ARHGAP32: variants seen among roughly 807,000 people sequenced by gnomAD.
ARHGAP32 encodes rho GTPase-activating protein 32.
Under a neutral mutation model 186.5 loss-of-function variants are expected in ARHGAP32, and 51 were observed. The observed-to-expected ratio is 0.27, with a 90% CI of 0.22 to 0.35. The LOEUF (loss-of-function observed/expected upper bound fraction) is 0.35. ARHGAP32 is among the 10% of genes least tolerant of loss of function. The pLI, the probability that ARHGAP32 is intolerant of heterozygous loss-of-function variation, is 1.00. For missense variants in ARHGAP32, 2,186 were observed against 2,623.5 expected (o/e 0.83, Z 3.64); for synonymous variants, 950 against 964.3 (o/e 0.99, Z 0.27).
In ARHGAP32 at chr11:128,974,862, C is replaced by T; in HGVS notation, c.2335G>A (p.Gly779Arg). ...PHDNESEEEG[G>R]LLHIPALMSP... ...ATAAGGGCTGGGATATGAAGCAGCC[C>T]TCCTTCCTCCTCACTCTCATTGTCA... The change falls in exon 21 of 23, where the codon GGG (glycine) becomes AGG (arginine). Residue 779 changes from glycine to arginine, a missense_variant. Gly to Arg is a moderately radical substitution (Grantham distance 125). This residue lies in a region of ARHGAP32 where 263 missense variants were observed against 323.5 expected (regional missense o/e 0.81). Transcript: ENST00000682385. 1 of 1,614,122 alleles carries T rather than the reference C, an allele frequency of 6.2e-7. No individual in the cohort carries two copies. The highest frequency in any genetic ancestry group is 8.5e-7 in the Non-Finnish European group (1 of 1,180,010).
At chr11:129,051,218 A>T (rs1940027920) in intron 10 of ARHGAP32, among the ~76,000 whole-genome samples, 1 of 152,204 alleles carries the variant, frequency 6.6e-6, no homozygotes, top group African/African-American at 2.4e-5. Context: ...GAACTGCCAC[A>T]CTGTCTTCCA....
chr11:129,157,986 G>A (rs1943449192), intron 2 of ARHGAP32, among the ~76,000 whole-genome samples: 1 of 152,048 alleles, frequency 6.6e-6, no homozygotes. Flanking sequence ...AGCTTCATAA[G>A]CAAAGGAGAA....
At chr11:129,204,366 CT>C in intron 1 of ARHGAP32, among the ~76,000 whole-genome samples, 1 of 152,078 alleles carries the variant, frequency 6.6e-6, no homozygotes, top group South Asian at 2.1e-4. Context: ...AGTGACAAGT[CT>C]GGGGAGAGGT....
chr11:129,169,586 C>T (rs1320976676), intron 1 of ARHGAP32, among the ~76,000 whole-genome samples: 3 of 140,326 alleles, frequency 2.1e-5, no homozygotes, highest in Non-Finnish European at 3.0e-5. Flanking sequence ...GAGCTGAGAT[C>T]GCACCACTGC....
chr11:129,060,412 GA>G (rs1310696825), intron 10 of ARHGAP32, among the ~76,000 whole-genome samples: 6 of 116,988 alleles, frequency 5.1e-5, no homozygotes, highest in South Asian at 4.9e-4. Flanking sequence ...ACAGACAGAA[GA>G]AAGTTAGTAG....
At chr11:129,166,115 A>C (rs2135492110) in intron 1 of ARHGAP32, among the ~76,000 whole-genome samples, 1 of 152,268 alleles carries the variant, frequency 6.6e-6, no homozygotes, top group South Asian at 2.1e-4. Flanking sequence ...AACCAGATAC[A>C]TTTAGTAGAA....
intron 11 of ARHGAP32, among the ~76,000 whole-genome samples, chr11:129,001,801 G>C (rs1291591449): frequency 6.6e-6 from 1 of 152,138 alleles, no homozygotes; most frequent in Non-Finnish European, 1.5e-5. Context: ...GTGAGAAAGA[G>C]GGGTCTAGTT....
At chr11:129,157,185 C>A (rs1240200677) in intron 2 of ARHGAP32, among the ~76,000 whole-genome samples, 5 of 152,132 alleles carry the variant, frequency 3.3e-5, no homozygotes, top group Non-Finnish European at 7.3e-5. Flanking sequence ...CAAGGGATCA[C>A]AACTCCTTGC....
chr11:129,186,872 G>A (rs754190993), intron 1 of ARHGAP32, among the ~76,000 whole-genome samples: 9 of 152,100 alleles, frequency 5.9e-5, no homozygotes, highest in Admixed American at 3.3e-4. Flanking sequence ...AACAAATGCC[G>A]GCAACAATGT....
intron 11 of ARHGAP32, among the ~76,000 whole-genome samples, chr11:129,013,609 T>C (rs1285124503): frequency 6.6e-6 from 1 of 152,222 alleles, no homozygotes; most frequent in Non-Finnish European, 1.5e-5. Context: ...TCAAGATAGA[T>C]TAATTTCCCT....
chr11:129,062,437 C>T, intron 9 of ARHGAP32, 80 bp from the exon 10 acceptor site: 3 of 1,234,060 alleles, frequency 2.4e-6, no homozygotes, highest in Admixed American at 1.8e-5. Flanking sequence ...TAAATCCGAA[C>T]TGTATGAAAA....
intron 1 of ARHGAP32, among the ~76,000 whole-genome samples, chr11:129,185,650 A>C (rs1057378989): frequency 6.6e-6 from 1 of 152,164 alleles, no homozygotes; most frequent in African/African-American, 2.4e-5. Flanking sequence ...AAAAGCAAAA[A>C]ACATTAAACT....
chr11:129,174,560 G>C (rs186571921), intron 1 of ARHGAP32, among the ~76,000 whole-genome samples: 1 of 152,294 alleles, frequency 6.6e-6, no homozygotes, highest in East Asian at 1.9e-4. Context: ...GCTTTGAAGA[G>C]AGCAATGCTT....
chr11:129,021,583 A>G (rs1434560646), intron 11 of ARHGAP32, among the ~76,000 whole-genome samples: 1 of 152,078 alleles, frequency 6.6e-6, no homozygotes, highest in East Asian at 1.9e-4. Flanking sequence ...TCTACATTAC[A>G]CACTTACTTT....
At chr11:129,124,942 A>C (rs1159479712) in intron 2 of ARHGAP32, 48 bp from the exon 3 acceptor site, 2 of 1,424,168 alleles carry the variant, frequency 1.4e-6, no homozygotes, top group Non-Finnish European at 9.7e-7. Context: ...TTAGTATTAC[A>C]CTTTTTTAAA....
intron 10 of ARHGAP32, 52 bp from the exon 11 acceptor site, chr11:129,041,061 TG>T (rs1565391291): frequency 8.2e-7 from 1 of 1,213,974 alleles, no homozygotes; most frequent in Non-Finnish European, 1.2e-6. Context: ...AGACCAATTA[TG>T]TGAACACTGC....
chr11:128,973,458 G>C, intron 21 of ARHGAP32, 26 bp from the exon 22 acceptor site: 1 of 1,607,816 alleles, frequency 6.2e-7, no homozygotes, highest in Non-Finnish European at 8.5e-7. Context: ...GAAAAAAAAT[G>C]AGAGTGAAAA....
chr11:129,225,338 T>C (rs546708401), intron 1 of ARHGAP32, among the ~76,000 whole-genome samples: 2 of 152,142 alleles, frequency 1.3e-5, no homozygotes, highest in African/African-American at 4.8e-5. Flanking sequence ...CTCAAAGAAG[T>C]CCGGACAAGA....
chr11:129,279,554 G>T (rs927385725), upstream of ARHGAP32, among the ~76,000 whole-genome samples: 1 of 143,550 alleles, frequency 7.0e-6, no homozygotes, highest in Non-Finnish European at 1.5e-5. Flanking sequence ...GCCCCCGCCG[G>T]AGCCCGCCGC....
Sources: gnomAD v4.1 joint callset for allele counts (sites outside exome capture counted in the v4.1 genomes callset) on GRCh38, gnomAD v4.1.1 for gene constraint, gnomAD v4.1.1 regional missense constraint, MANE v1.5 for transcripts, NCBI Gene and HGNC (gene_info 2026-07-23, HGNC 2026-07-21) for gene names.